Variants in CIMAP1C observed in about 807,000 individuals in gnomAD.
CIMAP1C encodes the protein outer dense fiber of sperm tails 3 like 1.
the CIMAP1C span, chr15:75,725,003 G>T: frequency 1.4e-6 from 1 of 731,872 alleles, no homozygotes; most frequent in Non-Finnish European, 2.4e-6. Context: ...TGCGATAGCA[G>T]CAAGAACAAA....
At chr15:75,725,099 T>A in the CIMAP1C span, 176 of 1,603,858 alleles carry the variant, frequency 1.1e-4, no homozygotes, top group African/African-American at 1.9e-3. Flanking sequence ...GTCCTGTCCA[T>A]CCTTACAGGT....
the CIMAP1C span, chr15:75,727,294 G>A: frequency 5.0e-5 from 81 of 1,614,212 alleles, no homozygotes; most frequent in African/African-American, 1.0e-3. Flanking sequence ...TCTACAAGGA[G>A]GATGTGGCAG....
chr15:75,724,249 C>T, the CIMAP1C span: 1 of 1,614,188 alleles, frequency 6.2e-7, no homozygotes, highest in African/African-American at 1.3e-5. Flanking sequence ...GCACAGCACC[C>T]AGAAAAGGAG....
At chr15:75,726,218 G>T in the CIMAP1C span, 6 of 1,191,556 alleles carry the variant, frequency 5.0e-6, no homozygotes, top group Admixed American at 1.9e-5. Flanking sequence ...AGGTTGGGGG[G>T]TGGGGTGCAC....
chr15:75,727,039 T>C, the CIMAP1C span: 1 of 1,603,196 alleles, frequency 6.2e-7, no homozygotes, highest in South Asian at 1.1e-5. Flanking sequence ...GAGCCCTCCC[T>C]TCCCGCCACT....
chr15:75,725,140 T>C, the CIMAP1C span: 1 of 1,614,054 alleles, frequency 6.2e-7, no homozygotes, highest in Non-Finnish European at 8.5e-7. Context: ...CCGGCCATCC[T>C]GCACGGGCTA....
At chr15:75,724,102 G>C in the CIMAP1C span, 4 of 757,202 alleles carry the variant, frequency 5.3e-6, no homozygotes, top group African/African-American at 3.4e-5. Context: ...CCGTGTCTGG[G>C]GTGGGGGATG....
At chr15:75,725,027 C>G in the CIMAP1C span, 2 of 878,598 alleles carry the variant, frequency 2.3e-6, no homozygotes, top group East Asian at 2.4e-5. Context: ...CCCCAATGTT[C>G]CCATGGTGCG....
At chr15:75,726,212 TG>T in the CIMAP1C span, 7 of 495,056 alleles carry the variant, frequency 1.4e-5, no homozygotes, top group Admixed American at 3.1e-5. Context: ...GTTGGGAGGT[TG>T]GGGGGTGGGG....
At chr15:75,727,404 A>G in the CIMAP1C span, 2 of 1,613,912 alleles carry the variant, frequency 1.2e-6, no homozygotes, top group Non-Finnish European at 1.7e-6. Flanking sequence ...TACCCTCTGG[A>G]CCTCACGCCA....
the CIMAP1C span, chr15:75,724,973 G>A: frequency 1.2e-4 from 71 of 609,878 alleles, 1 homozygote; most frequent in Admixed American, 1.3e-3. Flanking sequence ...GCAGCTGGAT[G>A]GATGCTGGGC....
chr15:75,726,846 T>C, the CIMAP1C span, among the ~76,000 whole-genome samples: 1 of 152,024 alleles, frequency 6.6e-6, no homozygotes, highest in Non-Finnish European at 1.5e-5. Context: ...GAACTCCTGA[T>C]CTTGTGATCT....
the CIMAP1C span, chr15:75,724,469 G>C: frequency 6.1e-6 from 4 of 652,306 alleles, no homozygotes; most frequent in South Asian, 7.5e-5. Flanking sequence ...GTTGGCTGCT[G>C]GGATTGTCCA....
the CIMAP1C span, chr15:75,727,591 A>G: frequency 6.6e-7 from 1 of 1,508,788 alleles, no homozygotes; most frequent in South Asian, 1.3e-5. Context: ...TTATTTTTCT[A>G]CACCAAATTG....
the CIMAP1C span, chr15:75,724,308 A>C: frequency 6.2e-7 from 1 of 1,611,672 alleles, no homozygotes; most frequent in African/African-American, 1.3e-5. Flanking sequence ...CATCATGGCC[A>C]AGATCAAAGG....
chr15:75,727,654 GCACACAGAAGACATTAGAGATACATTTT>G, the CIMAP1C span: 1 of 1,028,138 alleles, frequency 9.7e-7, no homozygotes, highest in African/African-American at 1.6e-5. Context: ...TGAGTGTCCG[GCACACAGAAGACATTAGAGATACATTTT>G]CATGTATTTG....
the CIMAP1C span, chr15:75,725,345 G>C: frequency 1.4e-6 from 1 of 725,044 alleles, no homozygotes; most frequent in African/African-American, 1.7e-5. Flanking sequence ...CCTGGGTCCA[G>C]AGGAAGCCAG....
the CIMAP1C span, chr15:75,726,015 A>C: frequency 7.3e-7 from 1 of 1,373,004 alleles, no homozygotes; most frequent in Non-Finnish European, 1.0e-6. Context: ...TCAGTGGGGC[A>C]GCCTTTGGGG....
chr15:75,724,828 C>A, the CIMAP1C span, among the ~76,000 whole-genome samples: 1 of 152,226 alleles, frequency 6.6e-6, no homozygotes, highest in Admixed American at 6.5e-5. Context: ...CGGAAATAAT[C>A]CACGTCGGAT....
Sources: gnomAD v4.1 joint callset for allele counts (sites outside exome capture counted in the v4.1 genomes callset) on GRCh38, gnomAD v4.1.1 for gene constraint, MANE v1.5 for transcripts, NCBI Gene and HGNC (gene_info 2026-07-23, HGNC 2026-07-21) for gene names.